Variants in METTL25 observed in about 807,000 individuals in gnomAD.
METTL25 encodes probable methyltransferase-like protein 25.
Under a neutral mutation model 71.6 loss-of-function variants are expected in METTL25, and 64 were observed. The ratio of observed to expected loss-of-function variants is 0.89; its 90% CI spans 0.73 to 1.10. METTL25 has a LOEUF of 1.10. Ranked by LOEUF, METTL25 falls within the 50% of genes least tolerant of loss-of-function variation. The pLI is 0.00. For synonymous variants in METTL25, 287 were observed against 250.3 expected (o/e 1.15, Z -1.38); for missense variants, 807 against 707.0 (o/e 1.14, Z -1.60).
At chr12:82,425,421 G>A (rs111268568) in intron 5 of METTL25, among the ~76,000 whole-genome samples, 52 of 152,212 alleles carry the variant, frequency 3.4e-4, no homozygotes, top group African/African-American at 1.3e-3. Flanking sequence ...CAGATAGAAT[G>A]TGATGAGTCA....
At chr12:82,370,856 A>C (rs1347232506) in intron 1 of METTL25, among the ~76,000 whole-genome samples, 7 of 151,096 alleles carry the variant, frequency 4.6e-5, no homozygotes, top group Non-Finnish European at 8.8e-5. Context: ...CCAGCCGCTT[A>C]TGCTGCTGTT....
chr12:82,397,041 CAG>C (rs1291911570), intron 3 of METTL25, among the ~76,000 whole-genome samples: 1 of 151,962 alleles, frequency 6.6e-6, no homozygotes, highest in East Asian at 1.9e-4. Context: ...GCCTACTATT[CAG>C]AGTAAGACTT....
chr12:82,447,219 C>G (rs562569368), intron 8 of METTL25, among the ~76,000 whole-genome samples: 1 of 151,902 alleles, frequency 6.6e-6, no homozygotes, highest in African/African-American at 2.4e-5. Flanking sequence ...TATATACATG[C>G]CTCAGCAGTT....
intron 9 of METTL25, chr12:82,459,813 C>T (rs890288595): frequency 1.3e-5 from 2 of 152,120 alleles, no homozygotes; most frequent in African/African-American, 4.8e-5. Context: ...CAGTTACATG[C>T]AAAATGAAAT....
At chr12:82,462,879 A>G (rs1015263022) in intron 9 of METTL25, among the ~76,000 whole-genome samples, 1 of 152,020 alleles carries the variant, frequency 6.6e-6, no homozygotes, top group Non-Finnish European at 1.5e-5. Flanking sequence ...TACATATAAT[A>G]CCTAATACAG....
intron 1 of METTL25, among the ~76,000 whole-genome samples, chr12:82,381,504 A>C (rs555810585): frequency 6.6e-6 from 1 of 152,328 alleles, no homozygotes; most frequent in Admixed American, 6.5e-5. Context: ...CTATAAAGTG[A>C]GCTGAAATAG....
At chr12:82,431,552 A>G (rs1357066602) in intron 6 of METTL25, among the ~76,000 whole-genome samples, 1 of 151,650 alleles carries the variant, frequency 6.6e-6, no homozygotes, top group Non-Finnish European at 1.5e-5. Context: ...CGTAAGGACT[A>G]TAGTTACTAT....
At chr12:82,384,312 A>C (rs1012722998) in intron 1 of METTL25, among the ~76,000 whole-genome samples, 1 of 151,952 alleles carries the variant, frequency 6.6e-6, no homozygotes, top group African/African-American at 2.4e-5. Flanking sequence ...ATGTATTGCT[A>C]TTGTCCCATA....
chr12:82,424,337 G>A (rs1277356171), intron 5 of METTL25, among the ~76,000 whole-genome samples: 2 of 151,818 alleles, frequency 1.3e-5, no homozygotes, highest in Non-Finnish European at 2.9e-5. Flanking sequence ...ATTGAACATT[G>A]AGAACACTTG....
chr12:82,420,925 G>A (rs149309415), intron 5 of METTL25, among the ~76,000 whole-genome samples: 5,004 of 151,802 alleles, frequency 0.033, 93 homozygotes, highest in Admixed American at 0.041. Flanking sequence ...GTACAATCTC[G>A]GCTCACTGCA....
intron 9 of METTL25, among the ~76,000 whole-genome samples, chr12:82,466,283 T>C (rs1892225618): frequency 6.6e-6 from 1 of 151,802 alleles, no homozygotes; most frequent in Non-Finnish European, 1.5e-5. Flanking sequence ...TTTGGTATGT[T>C]ATGTTTCTGT....
chr12:82,473,387 C>T (rs1195871206), intron 9 of METTL25, among the ~76,000 whole-genome samples: 6 of 152,056 alleles, frequency 3.9e-5, no homozygotes, highest in African/African-American at 7.2e-5. Flanking sequence ...TAGGGCATGT[C>T]GGCCAGGCCT....
chr12:82,458,183 AT>A (rs1454333709), intron 9 of METTL25, among the ~76,000 whole-genome samples: 1 of 152,156 alleles, frequency 6.6e-6, no homozygotes, highest in Admixed American at 6.5e-5. Context: ...AGAATAGTTA[AT>A]ATTTACCAAA....
intron 1 of METTL25, among the ~76,000 whole-genome samples, chr12:82,374,693 G>T (rs1883638087): frequency 6.6e-6 from 1 of 152,206 alleles, no homozygotes; most frequent in African/African-American, 2.4e-5. Flanking sequence ...GGCATTCCAA[G>T]TGTATAGAAC....
chr12:82,448,338 CTTTATTA>C (rs1356189520), intron 8 of METTL25, among the ~76,000 whole-genome samples: 2 of 151,884 alleles, frequency 1.3e-5, no homozygotes, highest in African/African-American at 2.4e-5. Context: ...AACATTTTAA[CTTTATTA>C]TTTATAATTG....
chr12:82,389,869 C>A lies in METTL25; in HGVS notation c.478C>A (p.Gln160Lys). 1 of 1,603,494 alleles carries A rather than the reference C, an allele frequency of 6.2e-7. No individual in the cohort carries two copies. Among genetic ancestry groups the A allele is most frequent in the South Asian group, 1.1e-5 (1 of 90,010 alleles). The change falls in exon 3 of 12, where the codon CAG (glutamine) becomes AAG (lysine). Residue 160 changes from glutamine (Q) to lysine (K), a missense_variant. By Grantham distance (53) the Gln-to-Lys change is moderately conservative (BLOSUM62 1). Coordinates refer to ENST00000248306, the MANE Select transcript of METTL25 (RefSeq NM_032230.3). ...GAATATGAAGAAATCTCATGAAGTT[C>A]AGGCAATGTCAGAGCTGATCAGCAG... ...FMNMKKSHEV[Q>K]AMSELISSIA...
chr12:82,384,116 A>T (rs988266087), intron 1 of METTL25, among the ~76,000 whole-genome samples: 3 of 152,196 alleles, frequency 2.0e-5, no homozygotes, highest in Non-Finnish European at 2.9e-5. Flanking sequence ...TGTAGGCCAA[A>T]CAATCAAGCC....
At chr12:82,427,936 A>G (rs1166484634) in intron 5 of METTL25, among the ~76,000 whole-genome samples, 6 of 151,970 alleles carry the variant, frequency 3.9e-5, no homozygotes, top group African/African-American at 1.4e-4. Context: ...TTATATTTCA[A>G]TCCAGAGGTC....
chr12:82,435,635 A>G (rs774590144), intron 7 of METTL25, among the ~76,000 whole-genome samples: 1 of 151,346 alleles, frequency 6.6e-6, no homozygotes, highest in Non-Finnish European at 1.5e-5. Context: ...CCCTGGACAC[A>G]TGTCATCATT....
Sources: allele counts gnomAD v4.1 joint callset (sites outside exome capture counted in the v4.1 genomes callset), GRCh38; gene constraint gnomAD v4.1.1; transcripts MANE v1.5; gene names NCBI Gene and HGNC (gene_info 2026-07-23, HGNC 2026-07-21).